TRAPPC8: variants seen among roughly 807,000 people sequenced by gnomAD.
TRAPPC8 encodes trafficking protein particle complex subunit 8.
A neutral mutation model predicts 174.3 loss-of-function variants in TRAPPC8; 54 were observed. That is an observed-to-expected ratio of 0.31 (90% CI 0.25 to 0.39). The LOEUF is 0.39. Among genes scored for constraint, TRAPPC8 ranks in the 10% least tolerant of loss-of-function variants. TRAPPC8 has a pLI of 1.00. For missense variants in TRAPPC8, 1,531 were observed against 1,699.1 expected, an observed-to-expected ratio of 0.90 and a Z score of 1.74; for synonymous variants, 630 against 579.9, an observed-to-expected ratio of 1.09 and a Z score of -1.24.
intron 12 of TRAPPC8, among the ~76,000 whole-genome samples, chr18:31,880,122 T>TATATATATA (rs1491572903): frequency 4.7e-3 from 306 of 65,690 alleles, no homozygotes; most frequent in Non-Finnish European, 7.5e-3. Flanking sequence ...TATATATATA[T>TATATATATA]TTTTTTTTTT....
chr18:31,937,591 G>C (rs1216041425), intron 1 of TRAPPC8: 1 of 151,286 alleles, frequency 6.6e-6, no homozygotes, highest in Non-Finnish European at 1.5e-5. Flanking sequence ...GATTAGCATA[G>C]CTCCTGCACA....
At position 31,873,538 on chromosome 18, in the gene TRAPPC8, T is replaced by C. The variant is rs973072108; in HGVS notation, c.1954A>G (p.Asn652Asp). ...FLREYLYVYKNVSQLSPDGPL... is the reference protein window; with the variant it reads ...FLREYLYVYKDVSQLSPDGPL... Reference sequence around the variant, plus strand: ...CCATCTGGTGACAGCTGACTTACATTCTGAGAGAAATATAAAAGGGAAAAA... The same window carrying C: ...CCATCTGGTGACAGCTGACTTACATCCTGAGAGAAATATAAAAGGGAAAAA... The change falls in exon 14 of 29, where the codon AAT (asparagine) becomes GAT (aspartate). Residue 652 changes from asparagine (N) to aspartate (D), a missense_variant and splice_region_variant. Transcript: ENST00000283351. 2 of 1,603,556 alleles carry C rather than the reference T, an allele frequency of 1.2e-6. No individual in the cohort carries two copies. Among genetic ancestry groups the C allele is most frequent in the Admixed American group, 1.7e-5 (1 of 57,794 alleles).
intron 2 of TRAPPC8, among the ~76,000 whole-genome samples, chr18:31,921,775 G>A (rs2037400303): frequency 1.3e-5 from 2 of 151,916 alleles, no homozygotes; most frequent in African/African-American, 2.4e-5. Context: ...CATTTATTAC[G>A]CTTCGATTTT....
intron 1 of TRAPPC8, among the ~76,000 whole-genome samples, chr18:31,942,026 G>A (rs2038366413): frequency 6.6e-6 from 1 of 152,162 alleles, no homozygotes; most frequent in South Asian, 2.1e-4. Flanking sequence ...GCTGCTTCAA[G>A]TTTTATTCTT....
Position 31,900,956 on chromosome 18 carries a change from T to C in TRAPPC8, c.1459A>G (p.Thr487Ala). 6.3e-7 allele frequency: 1 copy of C among 1,596,762 alleles called. No individual in the cohort carries two copies. Among genetic ancestry groups the C allele is most frequent in the East Asian group, 2.3e-5 (1 of 44,392 alleles). The change falls in exon 10 of 29, where the codon ACA (threonine) becomes GCA (alanine). Residue 487 changes from threonine (T) to alanine (A), a missense_variant. Coordinates refer to ENST00000283351, the MANE Select transcript of TRAPPC8 (RefSeq NM_014939.5). ...ATATCTCTGTATGTCTGAATTGCTG[T>C]ATCCATGTAATGAGCAGGATATGGC... is the stretch of plus-strand genomic sequence containing the variant. Reference protein sequence around the residue: ...PRPYPAHYMDTAIQTYRDICK... With the variant: ...PRPYPAHYMDAAIQTYRDICK...
chr18:31,841,655 T>A (rs1274475481), intron 26 of TRAPPC8, among the ~76,000 whole-genome samples: 2 of 152,236 alleles, frequency 1.3e-5, no homozygotes, highest in Non-Finnish European at 2.9e-5. Context: ...ATCATATGAC[T>A]TAAAATTATA....
chr18:31,878,100 C>A (rs1164759018), intron 12 of TRAPPC8, among the ~76,000 whole-genome samples: 1 of 152,014 alleles, frequency 6.6e-6, no homozygotes, highest in Non-Finnish European at 1.5e-5. Context: ...TGGCAGCTGC[C>A]CGTTTTGGTG....
At position 31,908,944 on chromosome 18, in the gene TRAPPC8, C is replaced by T. The variant is rs538492238; in HGVS notation, c.932G>A (p.Ser311Asn). Residue 311 changes from serine (S) to asparagine (N), a missense_variant, in exon 7 of 29, where the codon AGT becomes AAT. Transcript: ENST00000283351. ...QLEQSSDPSN[S>N]IDGPDHLRSA... The stretch of plus-strand genomic sequence containing the variant: ...TCTTAGATGATCTGGGCCATCAATA[C>T]TGTTAGAAGGGTCACTGGATTGCTC... 1.5e-5 allele frequency: 24 copies of T among 1,613,638 alleles called. No homozygotes were observed. The South Asian group carries it at 2.2e-4, about 15-fold the overall frequency.
At chr18:31,850,716 T>C (rs1167696220) in intron 24 of TRAPPC8, among the ~76,000 whole-genome samples, 1 of 152,204 alleles carries the variant, frequency 6.6e-6, no homozygotes, top group African/African-American at 2.4e-5. Context: ...TAAAACACTG[T>C]CCCCATAGTT....
At chr18:31,876,342 T>G (rs1032486457) in intron 12 of TRAPPC8, among the ~76,000 whole-genome samples, 3 of 151,602 alleles carry the variant, frequency 2.0e-5, no homozygotes, top group Admixed American at 2.0e-4. Context: ...TACAAAAAAT[T>G]AGCCGGGCAT....
chr18:31,895,649 G>T (rs1279616668), intron 11 of TRAPPC8: 1 of 151,844 alleles, frequency 6.6e-6, no homozygotes, highest in Admixed American at 6.6e-5. Flanking sequence ...AAGCAAGGAA[G>T]AAAAAAAGGA....
chr18:31,908,291 C>T lies in TRAPPC8; in HGVS notation c.1238+12G>A, dbSNP rs201011394. On this transcript the variant is annotated intron_variant, in intron 8 of 28. Transcript: ENST00000283351. ...AACAGAGGAAAAACAAAAATGATAA[C>T]ACTTTACTCACAGCAAGCCAGATGT... 1.3e-6 allele frequency: 2 copies of T among 1,565,836 alleles called. No homozygotes were observed. The highest frequency in any genetic ancestry group is 1.2e-5 in the South Asian group (1 of 85,080).
At chr18:31,912,478 C>A (rs993718490) in intron 5 of TRAPPC8, among the ~76,000 whole-genome samples, 3 of 149,446 alleles carry the variant, frequency 2.0e-5, no homozygotes, top group Admixed American at 6.7e-5. Flanking sequence ...GGCAACAGAG[C>A]GAGACTCTTT....
chr18:31,913,266 C>T (rs2036995072), intron 5 of TRAPPC8, 103 bp downstream of exon 5: 1 of 1,304,940 alleles, frequency 7.7e-7, no homozygotes, highest in African/African-American at 1.5e-5. Flanking sequence ...TCAAAACTGA[C>T]CAGATTCCAC....
chr18:31,869,857 G>C (rs1042543657), intron 16 of TRAPPC8, among the ~76,000 whole-genome samples: 1 of 152,156 alleles, frequency 6.6e-6, no homozygotes, highest in Non-Finnish European at 1.5e-5. Context: ...GGGAGGCTGA[G>C]GCGGGAGGAT....
chr18:31,852,557 T>C (rs1568045255), intron 23 of TRAPPC8, 38 bp downstream of exon 23: 1 of 1,613,860 alleles, frequency 6.2e-7, no homozygotes, highest in Non-Finnish European at 8.5e-7. Context: ...AAATATAAAA[T>C]GACCATTTAG....
intron 2 of TRAPPC8, among the ~76,000 whole-genome samples, chr18:31,920,646 A>T (rs2037343799): frequency 6.6e-6 from 1 of 152,056 alleles, no homozygotes; most frequent in African/African-American, 2.4e-5. Context: ...CTAAAAAAAA[A>T]TACAAAAAAA....
At chr18:31,848,600 T>G (rs536441748) in intron 25 of TRAPPC8, among the ~76,000 whole-genome samples, 64 of 152,264 alleles carry the variant, frequency 4.2e-4, no homozygotes, top group African/African-American at 1.3e-3. Flanking sequence ...CAGCTTGGTT[T>G]CAAAAAAATG....
chr18:31,907,631 A>G, intron 8 of TRAPPC8, 21 bp from the exon 9 acceptor site: 1 of 1,555,946 alleles, frequency 6.4e-7, no homozygotes, highest in South Asian at 1.2e-5. Flanking sequence ...AAAAGAAAAT[A>G]ATTTATAATT....
Sources: gnomAD v4.1 joint callset for allele counts (sites outside exome capture counted in the v4.1 genomes callset) on GRCh38, gnomAD v4.1.1 for gene constraint, MANE v1.5 for transcripts, NCBI Gene and HGNC (gene_info 2026-07-23, HGNC 2026-07-21) for gene names.